DGKD: variants seen among roughly 807,000 people sequenced by gnomAD.
DGKD encodes the protein DAG kinase delta.
DGKD carries 68 observed loss-of-function variants against 154.4 expected under a neutral mutation model. The observed-to-expected ratio is 0.44, with a 90% confidence interval of 0.36 to 0.54. DGKD has a LOEUF of 0.54. Ranked by LOEUF, DGKD falls within the 20% of genes least tolerant of loss-of-function variation. The pLI is 0.00. For missense variants in DGKD, 1,343 were observed against 1,593.6 expected (o/e 0.84, Z 2.68); for synonymous variants, 693 against 638.0 (o/e 1.09, Z -1.30).
Position 233,411,949 on chromosome 2 carries a change from G to A in DGKD, c.348+21466G>A, listed in dbSNP as rs139076484. ...CCTTTTATTTTTGAGTCTCTTTCCA[G>A]ATTTTCTATTTTGTTTTATTGAACT... On this transcript the variant is annotated intron_variant, in intron 3 of 29. Transcript: ENST00000264057. Among the ~76,000 whole-genome samples, 542 of 152,046 alleles carry A rather than the reference G, an allele frequency of 3.6e-3. 6 individuals carry two copies. The highest frequency in any genetic ancestry group is 0.012 in the African/African-American group (517 of 41,484).
At chr2:233,419,338 A>G in intron 3 of DGKD, 2 of 985,164 alleles carry the variant, frequency 2.0e-6, no homozygotes, top group African/African-American at 1.7e-5. Flanking sequence ...TGACTTTAAC[A>G]CCCAGTTTTT....
At chr2:233,395,326 A>G (rs188257136) in intron 3 of DGKD, among the ~76,000 whole-genome samples, 1 of 152,254 alleles carries the variant, frequency 6.6e-6, no homozygotes, top group African/African-American at 2.4e-5. Flanking sequence ...ACATGTGACC[A>G]TACCCAGATA....
In DGKD at chr2:233,471,318, C is replaced by T. The variant is rs2064008648; in HGVS notation, c.*1858C>T. 2 of 152,514 alleles carry T rather than the reference C, an allele frequency of 1.3e-5. No homozygotes were observed. The highest frequency in any genetic ancestry group is 2.1e-4 in the South Asian group (1 of 4,826). The allele number at this position is 152,514 out of a possible 1,614,324, so 9.4% of individuals were successfully genotyped here. A position where few individuals can be genotyped will look rare whatever the true frequency, so the allele number is the denominator to read the frequency against. On this transcript the variant is annotated 3_prime_UTR_variant, in exon 30 of 30. Transcript: ENST00000264057. Reference sequence around the variant, plus strand: ...GTTGTATGTTACCTTTTCCACCTCTCATTGTTTTCCCCAGAACATTGTAGA... The same window carrying T: ...GTTGTATGTTACCTTTTCCACCTCTTATTGTTTTCCCCAGAACATTGTAGA...
chr2:233,415,556 C>T (rs1351492329), intron 3 of DGKD, among the ~76,000 whole-genome samples: 1 of 152,174 alleles, frequency 6.6e-6, no homozygotes, highest in Non-Finnish European at 1.5e-5. Context: ...GAGTAATTAT[C>T]TCTGATCTTG....
Position 233,449,228 on chromosome 2 carries a change from G to T in DGKD, c.1740G>T (p.Ser580=). Residue 580 remains serine (S), a synonymous_variant, in exon 15 of 30, where the codon TCG becomes TCT. Transcript: ENST00000264057. This position sits in a 1 kb window ranked among gnomAD's most constrained non-coding sequence, Gnocchi z 5.3. ...IAEEAEDGDG[S]GSICGSTGDR... Reference sequence around the variant, plus strand: ...AGGAGGCTGAAGATGGAGATGGGTCGGGCAGCATCTGCGGTTCCACCGGAG... The same window carrying T: ...AGGAGGCTGAAGATGGAGATGGGTCTGGCAGCATCTGCGGTTCCACCGGAG... 3.1e-6 allele frequency: 5 copies of T among 1,613,828 alleles called. No homozygotes were observed. Among genetic ancestry groups the T allele is most frequent in the Non-Finnish European group, 4.2e-6 (5 of 1,179,992 alleles).
chr2:233,393,020 CTTT>C (rs1247697252), intron 3 of DGKD, among the ~76,000 whole-genome samples: 1 of 152,028 alleles, frequency 6.6e-6, no homozygotes, highest in Admixed American at 6.6e-5. Flanking sequence ...TTTCTGTTTC[CTTT>C]TTTATTTTTT....
intron 14 of DGKD, among the ~76,000 whole-genome samples, chr2:233,448,791 TGCAAAAA>T (rs2063169454): frequency 6.6e-6 from 1 of 152,164 alleles, no homozygotes; most frequent in Non-Finnish European, 1.5e-5. Context: ...TCTGATTGGT[TGCAAAAA>T]GCAACCAATC....
intron 3 of DGKD, among the ~76,000 whole-genome samples, chr2:233,396,490 A>G (rs1159549070): frequency 6.6e-6 from 1 of 151,890 alleles, no homozygotes; most frequent in Non-Finnish European, 1.5e-5. Flanking sequence ...CATCAAGCTT[A>G]TATTCTCGTG....
At chr2:233,372,503 C>G (rs1702373756) in intron 1 of DGKD, among the ~76,000 whole-genome samples, 1 of 151,998 alleles carries the variant, frequency 6.6e-6, no homozygotes, top group Admixed American at 6.6e-5. Flanking sequence ...AAGTTGTTCT[C>G]TATCTCCTTT....
Position 233,448,370 on chromosome 2 carries a change from A to G in DGKD, c.1609A>G (p.Lys537Glu), listed in dbSNP as rs1018993254. The G allele has an allele frequency of 2.5e-6, 4 of 1,613,924 alleles. No individual in the cohort carries two copies. The highest frequency in any genetic ancestry group is 2.7e-5 in the African/African-American group (2 of 75,022). ...CTCGGAGGAGTCAGAGGTCATGGCC[A>G]AGAAGGTCTGTTCCCGTGCCCTGGG... The part of the protein sequence containing the change: ...ESSEESEVMA[K>E]KCSVLKEKLD... Residue 537 changes from lysine (K) to glutamate (E), a missense_variant, in exon 14 of 30, where the codon AAG becomes GAG. Coordinates refer to ENST00000264057, the MANE Select transcript of DGKD (RefSeq NM_152879.3).
chr2:233,373,080 A>G (rs1031126308), intron 1 of DGKD, among the ~76,000 whole-genome samples: 1 of 152,164 alleles, frequency 6.6e-6, no homozygotes, highest in African/African-American at 2.4e-5. Context: ...GTGCTGTCCC[A>G]CTTCACCTTC....
chr2:233,436,029 A>T, intron 6 of DGKD, 105 bp downstream of exon 6: 1 of 1,247,096 alleles, frequency 8.0e-7, no homozygotes, highest in South Asian at 1.4e-5. Context: ...TTCATTTGAG[A>T]TGGTCACACT....
At position 233,469,915 on chromosome 2, in the gene DGKD, G is replaced by A. The variant is rs2124980433; in HGVS notation, c.*455G>A. 1 of 150,878 alleles carries A rather than the reference G, an allele frequency of 6.6e-6. No individual in the cohort carries two copies. The highest frequency in any genetic ancestry group is 2.0e-4 in the South Asian group (1 of 5,006). 9.3% of individuals were successfully genotyped at this position (150,878 alleles called of 1,614,324 possible). On this transcript the variant is annotated 3_prime_UTR_variant, in exon 30 of 30. Transcript: ENST00000264057. ...AGCCAGTTCTCAGAAACGTGGCTGG[G>A]GCCCAGCACAGCAGCCTGCAAGGGC...
At chr2:233,448,983 A>C in intron 14 of DGKD, 120 bp from the exon 15 acceptor site, 1 of 1,262,716 alleles carries the variant, frequency 7.9e-7, no homozygotes. Context: ...AGGCGTGGAG[A>C]GTTAGGATTT....
intron 11 of DGKD, among the ~76,000 whole-genome samples, chr2:233,446,262 T>C (rs73995953): frequency 0.013 from 1,967 of 152,302 alleles, 33 homozygotes; most frequent in African/African-American, 0.045. Context: ...GCACATGGGG[T>C]GCTGATGAGA....
At chr2:233,361,574 G>A (rs1701782398) in intron 1 of DGKD, among the ~76,000 whole-genome samples, 1 of 152,204 alleles carries the variant, frequency 6.6e-6, no homozygotes, top group African/African-American at 2.4e-5. Flanking sequence ...TAACAACTGT[G>A]CTCGTTGTGT....
chr2:233,445,699 A>G lies in DGKD; in HGVS notation c.1271A>G (p.Asp424Gly), dbSNP rs2063042957. The change falls in exon 11 of 30, where the codon GAC (aspartate) becomes GGC (glycine). Residue 424 changes from aspartate to glycine, a missense_variant. By Grantham distance (94) the Asp-to-Gly change is moderately conservative. This residue lies in a region of DGKD where 409 missense variants were observed against 446.0 expected (regional missense o/e 0.92). Transcript: ENST00000264057. The surrounding 1 kb of genome is among the most constrained non-coding windows in gnomAD (Gnocchi z 5.5). ...RVLGWGSACDDDTQLPQILEK... is the reference protein window; with the variant it reads ...RVLGWGSACDGDTQLPQILEK... ...CTGGGCTGGGGCTCAGCCTGCGATG[A>G]CGACACCCAGCTCCCCCAGATCTTG... 6.2e-7 allele frequency: 1 copy of G among 1,613,612 alleles called. No individual in the cohort carries two copies. Among genetic ancestry groups the G allele is most frequent in the Non-Finnish European group, 8.5e-7 (1 of 1,179,812 alleles).
chr2:233,387,575 C>T (rs72980318), intron 1 of DGKD, among the ~76,000 whole-genome samples: 17,241 of 152,192 alleles, frequency 0.11, 1,149 homozygotes, highest in African/African-American at 0.17. Flanking sequence ...TCATTCTTGG[C>T]TTTAATTGAG....
At position 233,460,369 on chromosome 2, in the gene DGKD, G is replaced by A. The variant is rs564357445; in HGVS notation, c.2981+24G>A. Reference sequence around the variant, plus strand: ...AGGTGGGCTCCTACCCCTCTGCGTTGCGCATGAGCCTCCCCCAGGGTCCCT... The same window carrying A: ...AGGTGGGCTCCTACCCCTCTGCGTTACGCATGAGCCTCCCCCAGGGTCCCT... On this transcript the variant is annotated intron_variant, in intron 24 of 29. Transcript: ENST00000264057. 3.8e-4 allele frequency: 618 copies of A among 1,612,490 alleles called. 13 individuals are homozygous for A. The South Asian group carries it at 6.6e-3, about 17-fold the overall frequency.
Sources: gnomAD v4.1 joint callset for allele counts (sites outside exome capture counted in the v4.1 genomes callset) on GRCh38, gnomAD v4.1.1 for gene constraint, gnomAD v4.1.1 regional missense constraint, Gnocchi (gnomAD v3.1) non-coding constraint, MANE v1.5 for transcripts, NCBI Gene and HGNC (gene_info 2026-07-23, HGNC 2026-07-21) for gene names.